Variants in C9orf50 observed in about 807,000 individuals in gnomAD.
C9orf50 encodes chromosome 9 open reading frame 50.
A neutral mutation model predicts 42.5 loss-of-function variants in C9orf50; 33 were observed. The observed-to-expected ratio is 0.78, with a 90% CI of 0.59 to 1.04. C9orf50 has a LOEUF of 1.04. Among genes scored for constraint, C9orf50 ranks in the 50% least tolerant of loss-of-function variants. The pLI is 0.00. For synonymous variants in C9orf50, 257 were observed against 273.4 expected, an observed-to-expected ratio of 0.94 and a Z score of 0.59; for missense variants, 547 against 594.3, an observed-to-expected ratio of 0.92 and a Z score of 0.83.
Position 129,613,472 on chromosome 9 carries a change from TCTC to T in C9orf50, c.1003_1005del (p.Glu335del), listed in dbSNP as rs1444797970. The T allele has an allele frequency of 6.2e-7, 1 of 1,613,766 alleles. No individual in the cohort carries two copies. Among genetic ancestry groups the T allele is most frequent in the African/African-American group, 1.3e-5 (1 of 74,870 alleles). ...TCCCAACACGAGGAGCTGGCCAGGGTCTCCTCCTTGGCCCCAGGGTACAGGGCT... is the reference window on the plus strand; with the variant it reads ...TCCCAACACGAGGAGCTGGCCAGGGTCTCCTTGGCCCCAGGGTACAGGGCT... On this transcript the variant is annotated inframe_deletion, in exon 5 of 7. Transcript: ENST00000372478. This position sits in a 1 kb window ranked among gnomAD's most constrained non-coding sequence, Gnocchi z 6.2.
At chr9:129,617,976 G>A (rs1446324273) in intron 3 of C9orf50, among the ~76,000 whole-genome samples, 1 of 152,180 alleles carries the variant, frequency 6.6e-6, no homozygotes, top group Non-Finnish European at 1.5e-5. Context: ...GAGCCACCAT[G>A]CTTGGCCATG....
chr9:129,612,980 G>A, intron 6 of C9orf50, 127 bp downstream of exon 6: 1 of 1,225,384 alleles, frequency 8.2e-7, no homozygotes, highest in Non-Finnish European at 1.1e-6. Context: ...AGCCCCCACG[G>A]TGACTTGGCT....
Position 129,620,614 on chromosome 9 carries a change from G to A in C9orf50, c.-40C>T. On this transcript the variant is annotated 5_prime_UTR_variant, in exon 1 of 7. The change creates a new upstream start codon in the 5' untranslated region. Coordinates refer to ENST00000372478, the Ensembl canonical transcript of C9orf50. The surrounding 1 kb of genome is among the most constrained non-coding windows in gnomAD (Gnocchi z 5.8). ...TCAGCTCACCGCACCCTCAGCGCGC[G>A]TGGGTGGGGGGCGCCGGCTGAGGTG... 7.7e-7 allele frequency: 1 copy of A among 1,300,892 alleles called. No individual in the cohort carries two copies. Among genetic ancestry groups the A allele is most frequent in the Middle Eastern group, 3.0e-4 (1 of 3,280 alleles). 80.6% of individuals were successfully genotyped at this position (1,300,892 alleles called of 1,614,324 possible).
chr9:129,613,706 T>C lies in C9orf50; in HGVS notation c.881-109A>G. ...AGGGCCGGTCAGAGCCCTGTCTCCA[T>C]GGCAACCCCAGGCTCCCCAGCGCCT... On this transcript the variant is annotated intron_variant, in intron 4 of 6. Transcript: ENST00000372478. The surrounding 1 kb of genome is among the most constrained non-coding windows in gnomAD (Gnocchi z 6.2). 3 of 1,405,438 alleles carry C rather than the reference T, an allele frequency of 2.1e-6. No individual in the cohort carries two copies. Among genetic ancestry groups the C allele is most frequent in the Non-Finnish European group, 2.9e-6 (3 of 1,030,632 alleles). The allele number at this position is 1,405,438 out of a possible 1,614,324, so 87.1% of individuals were successfully genotyped here.
In C9orf50 at chr9:129,615,461, G is replaced by A. The variant is rs201594971; in HGVS notation, c.880+23C>T. 64 of 1,544,240 alleles carry A rather than the reference G, an allele frequency of 4.1e-5. No homozygotes were observed. The East Asian group carries it at 1.4e-3, about 34-fold the overall frequency. On this transcript the variant is annotated intron_variant, in intron 4 of 6. Coordinates refer to ENST00000372478, the Ensembl canonical transcript of C9orf50. ...TGGCTAGAACTTTCGGGAGTCTCGA[G>A]GCTCCCCATCCTGTCTGCTTACCTG...
Position 129,620,442 on chromosome 9 carries a change from C to T in C9orf50, c.133G>A (p.Gly45Ser), listed in dbSNP as rs1328366351. 2 of 1,299,944 alleles carry T rather than the reference C, an allele frequency of 1.5e-6. No individual in the cohort carries two copies. The highest frequency in any genetic ancestry group is 1.5e-5 in the African/African-American group (1 of 64,894). The allele number at this position is 1,299,944 out of a possible 1,614,324, so 80.5% of individuals were successfully genotyped here. Residue 45 changes from glycine to serine, a missense_variant, in exon 1 of 7, where the codon GGC becomes AGC. Gly to Ser is a moderately conservative substitution (Grantham distance 56). Transcript: ENST00000372478. This position sits in a 1 kb window ranked among gnomAD's most constrained non-coding sequence, Gnocchi z 5.8. The stretch of plus-strand genomic sequence containing the variant: ...CTCCAGTCCCCGGAGCCCCGCGCGC[C>T]CAGAGCCGCTCGGAGCGCGGGCGGG...
rs1354577478 is a variant in C9orf50 at position 129,613,656 on chromosome 9, C to G, written c.881-59G>C. The G allele has an allele frequency of 1.9e-5, 31 of 1,597,498 alleles. No homozygotes were observed. Among genetic ancestry groups the G allele is most frequent in the Non-Finnish European group, 2.6e-5 (30 of 1,168,862 alleles). On this transcript the variant is annotated intron_variant, in intron 4 of 6. Transcript: ENST00000372478. This position sits in a 1 kb window ranked among gnomAD's most constrained non-coding sequence, Gnocchi z 6.2. ...CAGGAGGAGGGCACTGGTGCCCCCACCCTCTTTTCCTCCCTCTGGCAGGCA... is the reference window on the plus strand; with the variant it reads ...CAGGAGGAGGGCACTGGTGCCCCCAGCCTCTTTTCCTCCCTCTGGCAGGCA...
rs1830600205 is a variant in C9orf50 at position 129,620,038 on chromosome 9, C to T, written c.508+29G>A. ...CACCCCCCACCGGAAATGACTCGGGCCCGCCCCCCGGGCCCCGCGGGGCCT... is the reference window on the plus strand; with the variant it reads ...CACCCCCCACCGGAAATGACTCGGGTCCGCCCCCCGGGCCCCGCGGGGCCT... On this transcript the variant is annotated intron_variant, in intron 1 of 6. Transcript: ENST00000372478. The surrounding 1 kb of genome is among the most constrained non-coding windows in gnomAD (Gnocchi z 5.8). 2 of 1,454,130 alleles carry T rather than the reference C, an allele frequency of 1.4e-6. No homozygotes were observed. Among genetic ancestry groups the T allele is most frequent in the South Asian group, 1.5e-5 (1 of 68,770 alleles). 90.1% of individuals were successfully genotyped at this position (1,454,130 alleles called of 1,614,324 possible). A position where few individuals can be genotyped will look rare whatever the true frequency, so the allele number is the denominator to read the frequency against.
chr9:129,618,856 C>G (rs1830519592), intron 3 of C9orf50, among the ~76,000 whole-genome samples: 1 of 136,166 alleles, frequency 7.3e-6, no homozygotes, highest in African/African-American at 2.8e-5. Context: ...CCACGCCCGG[C>G]TAATTTTTTG....
chr9:129,620,925 GTTA>G (rs1830678447), upstream of C9orf50: 1 of 226,520 alleles, frequency 4.4e-6, no homozygotes, highest in Admixed American at 5.7e-5. The surrounding 1 kb of genome is among the most constrained non-coding windows in gnomAD (Gnocchi z 5.8). Flanking sequence ...GTATTTCAAA[GTTA>G]TTATTATTTA....
At chr9:129,616,755 A>C (rs998426172) in intron 3 of C9orf50, among the ~76,000 whole-genome samples, 3 of 152,196 alleles carry the variant, frequency 2.0e-5, no homozygotes, top group African/African-American at 7.2e-5. Flanking sequence ...TGTATATTTC[A>C]TAGATAACAT....
In C9orf50 at chr9:129,620,695, G is replaced by C; in HGVS notation, c.-121C>G. ...TGCCCCGGGCGGGGCAGCGCGGTGC[G>C]GGGTGAACGCCACCGGCCCGGCGGA... On this transcript the variant is annotated 5_prime_UTR_variant, in exon 1 of 7. Coordinates refer to ENST00000372478, the Ensembl canonical transcript of C9orf50. This position sits in a 1 kb window ranked among gnomAD's most constrained non-coding sequence, Gnocchi z 5.8. 5.4e-6 allele frequency: 5 copies of C among 926,436 alleles called. No homozygotes were observed. Among genetic ancestry groups the C allele is most frequent in the Non-Finnish European group, 7.0e-6 (5 of 709,680 alleles). The allele number at this position is 926,436 out of a possible 1,614,324, so 57.4% of individuals were successfully genotyped here. A position where few individuals can be genotyped will look rare whatever the true frequency, so the allele number is the denominator to read the frequency against.
At chr9:129,621,849 GGCC>G (rs1830732259), upstream of C9orf50, among the ~76,000 whole-genome samples, 2 of 152,122 alleles carry the variant, frequency 1.3e-5, no homozygotes, top group African/African-American at 2.4e-5. Context: ...TTCTGGGTGG[GGCC>G]CTAGAAGGTC....
At position 129,620,583 on chromosome 9, in the gene C9orf50, C is replaced by A; in HGVS notation, c.-9G>T. 7.5e-7 allele frequency: 1 copy of A among 1,336,006 alleles called. No homozygotes were observed. The highest frequency in any genetic ancestry group is 9.6e-7 in the Non-Finnish European group (1 of 1,042,080). The allele number at this position is 1,336,006 out of a possible 1,614,324, so 82.8% of individuals were successfully genotyped here. On this transcript the variant is annotated 5_prime_UTR_variant, in exon 1 of 7. Coordinates refer to ENST00000372478, the Ensembl canonical transcript of C9orf50. This position sits in a 1 kb window ranked among gnomAD's most constrained non-coding sequence, Gnocchi z 5.8. Reference sequence around the variant, plus strand: ...AGTCGACGCCAGAACATGCTTGGCCCCGCACTCAGCTCACCGCACCCTCAG... The same window carrying A: ...AGTCGACGCCAGAACATGCTTGGCCACGCACTCAGCTCACCGCACCCTCAG...
intron 6 of C9orf50, 149 bp downstream of exon 6, chr9:129,612,958 G>A (rs1169208025): frequency 1.4e-5 from 13 of 944,594 alleles, no homozygotes; most frequent in African/African-American, 5.0e-5. Context: ...AACACAGGGC[G>A]TGGCCACTGC....
exon 4 of C9orf50, chr9:129,615,608 C>G: frequency 6.2e-7 from 1 of 1,600,630 alleles, no homozygotes. Context: ...TGTGGGTCAG[C>G]GCAGCCTTGA....
Position 129,620,275 on chromosome 9 carries a change from C to G in C9orf50, c.300G>C (p.Leu100=), listed in dbSNP as rs1202569785. Residue 100 remains leucine, a synonymous_variant, in exon 1 of 7, where the codon CTG becomes CTC. Coordinates refer to ENST00000372478, the Ensembl canonical transcript of C9orf50. This position sits in a 1 kb window ranked among gnomAD's most constrained non-coding sequence, Gnocchi z 5.8. The stretch of plus-strand genomic sequence containing the variant: ...CGGCCGACAGCAGGGGAGGCGGCAG[C>G]AGGGACCGCAGCAGCCCCCGCTTCC... 4 of 1,305,096 alleles carry G rather than the reference C, an allele frequency of 3.1e-6. No individual in the cohort carries two copies. Among genetic ancestry groups the G allele is most frequent in the Non-Finnish European group, 3.9e-6 (4 of 1,022,870 alleles). The allele number at this position is 1,305,096 out of a possible 1,614,324, so 80.8% of individuals were successfully genotyped here.
rs756742371 is a variant in C9orf50, at chr9:129,615,471, C to G, written c.880+13G>C. 1.3e-6 allele frequency: 2 copies of G among 1,570,528 alleles called. No homozygotes were observed. Among genetic ancestry groups the G allele is most frequent in the Non-Finnish European group, 1.7e-6 (2 of 1,157,818 alleles). Reference sequence around the variant, plus strand: ...TTTCGGGAGTCTCGAGGCTCCCCATCCTGTCTGCTTACCTGAGCGTCTGCG... The same window carrying G: ...TTTCGGGAGTCTCGAGGCTCCCCATGCTGTCTGCTTACCTGAGCGTCTGCG... On this transcript the variant is annotated intron_variant, in intron 4 of 6. Coordinates refer to ENST00000372478, the Ensembl canonical transcript of C9orf50.
chr9:129,620,076 C>T lies in C9orf50; in HGVS notation c.499G>A (p.Glu167Lys), dbSNP rs1830603786. 1.4e-6 allele frequency: 2 copies of T among 1,452,332 alleles called. No homozygotes were observed. The highest frequency in any genetic ancestry group is 1.8e-6 in the Non-Finnish European group (2 of 1,100,178). The allele number at this position is 1,452,332 out of a possible 1,614,324, so 90.0% of individuals were successfully genotyped here. ...CCCCGCGGGGCCTCACTCAGTGGCT[C>T]CGGCTCCTCGGCGCACTTCTCCTGG... Residue 167 changes from glutamate to lysine, a missense_variant, in exon 1 of 7, where the codon GAG becomes AAG. Coordinates refer to ENST00000372478, the Ensembl canonical transcript of C9orf50. The surrounding 1 kb of genome is among the most constrained non-coding windows in gnomAD (Gnocchi z 5.8).
Sources: allele counts gnomAD v4.1 joint callset (sites outside exome capture counted in the v4.1 genomes callset), GRCh38; gene constraint gnomAD v4.1.1; non-coding constraint Gnocchi (gnomAD v3.1); transcripts MANE v1.5; gene names NCBI Gene and HGNC (gene_info 2026-07-23, HGNC 2026-07-21).